The following SHISA9 variants were observed in gnomAD, a reference collection of about 807,000 sequenced individuals.
The protein encoded by SHISA9 is shisa family member 9.
SHISA9 carries 13 observed loss-of-function variants against 38.0 expected under a neutral mutation model. That is an observed-to-expected ratio of 0.34 (90% CI 0.22 to 0.54). SHISA9 has a LOEUF of 0.54. Ranked by LOEUF, SHISA9 falls within the 20% of genes least tolerant of loss-of-function variation. SHISA9 has a pLI of 0.91. For missense variants in SHISA9, 538 were observed against 575.8 expected, an observed-to-expected ratio of 0.93 and a Z score of 0.67; for synonymous variants, 275 against 242.0, an observed-to-expected ratio of 1.14 and a Z score of -1.27.
the SHISA9 span, among the ~76,000 whole-genome samples, chr16:13,358,054 G>C: frequency 6.6e-6 from 1 of 152,254 alleles, no homozygotes; most frequent in Non-Finnish European, 1.5e-5. Context: ...GGGCTTAGAG[G>C]CCTGACAGTA....
At chr16:13,229,634 C>G (rs1245264912) in intron 4 of SHISA9, among the ~76,000 whole-genome samples, 3 of 152,284 alleles carry the variant, frequency 2.0e-5, no homozygotes, top group Admixed American at 2.0e-4. Context: ...TAAAGCTCCC[C>G]CATGTGATTT....
chr16:12,962,321 C>T (rs2071921934), intron 2 of SHISA9, among the ~76,000 whole-genome samples: 1 of 152,222 alleles, frequency 6.6e-6, no homozygotes, highest in African/African-American at 2.4e-5. Flanking sequence ...TGCTGTCATT[C>T]TGGGTTTTCT....
chr16:13,403,565 AAC>A, the SHISA9 span, among the ~76,000 whole-genome samples: 1 of 152,194 alleles, frequency 6.6e-6, no homozygotes, highest in East Asian at 1.9e-4. Flanking sequence ...ACACCTTCAA[AAC>A]ACAGTGCTGG....
chr16:13,452,166 C>T, the SHISA9 span, among the ~76,000 whole-genome samples: 161 of 152,172 alleles, frequency 1.1e-3, 1 homozygote, highest in African/African-American at 3.7e-3. Context: ...GCTGGCTTCC[C>T]GAAGACAAGT....
chr16:13,236,051 C>G lies in SHISA9; in HGVS notation c.*642C>G, dbSNP rs1332576242. The G allele has an allele frequency of 6.6e-6, 1 of 151,942 alleles. No homozygotes were observed. Among genetic ancestry groups the G allele is most frequent in the Non-Finnish European group, 1.5e-5 (1 of 68,040 alleles). 9.4% of individuals were successfully genotyped at this position (151,942 alleles called of 1,614,324 possible). On this transcript the variant is annotated 3_prime_UTR_variant, in exon 5 of 5. Transcript: ENST00000558583. ...TATTTATAGTACTTTTCATATCATCCATGTTGAAAGCAAAAAACAACACAC... is the reference window on the plus strand; with the variant it reads ...TATTTATAGTACTTTTCATATCATCGATGTTGAAAGCAAAAAACAACACAC...
At chr16:13,277,824 T>C in the SHISA9 span, among the ~76,000 whole-genome samples, 19 of 152,024 alleles carry the variant, frequency 1.2e-4, no homozygotes, top group African/African-American at 4.3e-4. Flanking sequence ...GGAAGAGTCC[T>C]TAGGGTTTTC....
chr16:13,002,037 G>A (rs2072532316), intron 2 of SHISA9, among the ~76,000 whole-genome samples: 1 of 152,138 alleles, frequency 6.6e-6, no homozygotes, highest in Non-Finnish European at 1.5e-5. Flanking sequence ...CAGAAAAATG[G>A]ATTTAATTGG....
chr16:13,524,228 A>G, the SHISA9 span, among the ~76,000 whole-genome samples: 3 of 152,238 alleles, frequency 2.0e-5, no homozygotes, highest in Non-Finnish European at 4.4e-5. Context: ...TGCAAAAAAC[A>G]CAAGCCTCAC....
the SHISA9 span, among the ~76,000 whole-genome samples, chr16:13,560,902 C>T: frequency 3.3e-5 from 5 of 151,980 alleles, no homozygotes; most frequent in African/African-American, 9.7e-5. Context: ...CTCTCTCTGT[C>T]GCCCAGGCTG....
chr16:13,065,045 C>A (rs2073419013), intron 2 of SHISA9, among the ~76,000 whole-genome samples: 1 of 152,122 alleles, frequency 6.6e-6, no homozygotes, highest in Admixed American at 6.5e-5. Context: ...GGGAAGTAAC[C>A]ATTTGACAAT....
chr16:13,061,926 A>C (rs1391102732), intron 2 of SHISA9, among the ~76,000 whole-genome samples: 1 of 152,140 alleles, frequency 6.6e-6, no homozygotes, highest in African/African-American at 2.4e-5. Flanking sequence ...AGCCTGCACA[A>C]GTTCCTTAAG....
At chr16:13,455,120 C>G in the SHISA9 span, among the ~76,000 whole-genome samples, 2 of 151,962 alleles carry the variant, frequency 1.3e-5, no homozygotes, top group African/African-American at 4.8e-5. Flanking sequence ...ATAATTATAC[C>G]TTTATACACT....
the SHISA9 span, among the ~76,000 whole-genome samples, chr16:13,545,826 A>C: frequency 6.6e-6 from 1 of 152,182 alleles, no homozygotes; most frequent in Admixed American, 6.5e-5. Flanking sequence ...CACGGTGTAA[A>C]GTCTGGCCAA....
At chr16:13,426,601 C>T in the SHISA9 span, among the ~76,000 whole-genome samples, 3 of 151,986 alleles carry the variant, frequency 2.0e-5, no homozygotes, top group South Asian at 2.1e-4. Flanking sequence ...ATTGATCGTT[C>T]GAAGTAAATA....
At chr16:12,918,922 C>T (rs913967234) in intron 2 of SHISA9, among the ~76,000 whole-genome samples, 2 of 152,068 alleles carry the variant, frequency 1.3e-5, no homozygotes, top group African/African-American at 2.4e-5. Context: ...AGAATGTGAC[C>T]TTTTCACCGG....
At chr16:13,118,694 G>A (rs1037619662) in intron 2 of SHISA9, among the ~76,000 whole-genome samples, 5 of 151,648 alleles carry the variant, frequency 3.3e-5, no homozygotes, top group Non-Finnish European at 7.4e-5. Context: ...AAAGTCTACG[G>A]CACTTTTGCC....
chr16:13,194,866 A>G (rs2050922001), intron 2 of SHISA9, among the ~76,000 whole-genome samples: 1 of 152,238 alleles, frequency 6.6e-6, no homozygotes, highest in African/African-American at 2.4e-5. Context: ...AACAAGTAAC[A>G]AATGGATGGT....
chr16:13,279,437 G>A, the SHISA9 span, among the ~76,000 whole-genome samples: 4 of 151,822 alleles, frequency 2.6e-5, no homozygotes, highest in Admixed American at 6.6e-5. Flanking sequence ...TAAATCCATT[G>A]TCGCTTTGTT....
chr16:13,341,374 C>G, the SHISA9 span, among the ~76,000 whole-genome samples: 3 of 152,072 alleles, frequency 2.0e-5, no homozygotes, highest in South Asian at 6.2e-4. Flanking sequence ...TTTGTTTAAT[C>G]TTGTATGAGT....
Sources: gnomAD v4.1 joint callset for allele counts (sites outside exome capture counted in the v4.1 genomes callset) on GRCh38, gnomAD v4.1.1 for gene constraint, MANE v1.5 for transcripts, NCBI Gene and HGNC (gene_info 2026-07-23, HGNC 2026-07-21) for gene names.